Variants in SYT12 observed in about 807,000 individuals in gnomAD.
SYT12 encodes synaptotagmin-12.
A neutral mutation model predicts 39.5 loss-of-function variants in SYT12; 27 were observed. The ratio of observed to expected loss-of-function variants is 0.68; its 90% CI spans 0.50 to 0.94. The LOEUF is 0.94. Among genes scored for constraint, SYT12 ranks in the 40% least tolerant of loss-of-function variants. The probability of loss-of-function intolerance (pLI) is 0.00; values close to 1 mark genes in which losing one functional copy is unlikely to be tolerated. For synonymous variants in SYT12, 233 were observed against 239.7 expected, an observed-to-expected ratio of 0.97 and a Z score of 0.26; for missense variants, 536 against 572.6, an observed-to-expected ratio of 0.94 and a Z score of 0.65.
chr11:67,028,748 G>C (rs1368114551), intron 1 of SYT12: 1 of 152,144 alleles, frequency 6.6e-6, no homozygotes, highest in Non-Finnish European at 1.5e-5. Context: ...TTGCAAATTG[G>C]TTGCTACCTT....
intron 2 of SYT12, among the ~76,000 whole-genome samples, chr11:67,033,235 C>T (rs954138508): frequency 3.9e-5 from 6 of 152,084 alleles, no homozygotes; most frequent in Non-Finnish European, 5.9e-5. Context: ...TTGCCGTGGC[C>T]TGGCACACTT....
chr11:67,037,305 A>G (rs1950400651), intron 3 of SYT12, among the ~76,000 whole-genome samples: 1 of 152,192 alleles, frequency 6.6e-6, no homozygotes, highest in African/African-American at 2.4e-5. Context: ...GCTATTCAGT[A>G]CTGCAGTATT....
chr11:67,038,242 C>T (rs1472913407), intron 3 of SYT12, among the ~76,000 whole-genome samples: 2 of 152,042 alleles, frequency 1.3e-5, no homozygotes, highest in Non-Finnish European at 2.9e-5. Flanking sequence ...TCTCAGCTCA[C>T]TGCAACCTCC....
chr11:67,024,702 TG>T (rs1565330420), intron 1 of SYT12, among the ~76,000 whole-genome samples: 1 of 152,236 alleles, frequency 6.6e-6, no homozygotes, highest in Admixed American at 6.5e-5. Flanking sequence ...GTGGGCTGTT[TG>T]GGGGATGGCA....
intron 1 of SYT12, 29 bp from the exon 2 acceptor site, chr11:67,030,093 C>A: frequency 6.2e-7 from 1 of 1,602,562 alleles, no homozygotes; most frequent in Non-Finnish European, 8.5e-7. Flanking sequence ...CTCTGCAGCC[C>A]TCTCCTCTCA....
intron 1 of SYT12, chr11:67,028,775 G>A (rs554269318): frequency 2.0e-5 from 3 of 152,258 alleles, no homozygotes; most frequent in East Asian, 1.9e-4. Flanking sequence ...TCAGGAAATG[G>A]CACATAAAAA....
rs1950486082 is a variant in SYT12 at position 67,040,318 on chromosome 11, G to A, written c.621+115G>A. The A allele has an allele frequency of 2.2e-6, 3 of 1,379,902 alleles. No homozygotes were observed. In the South Asian group the frequency reaches 4.3e-5, roughly 20 times the overall value. The allele number at this position is 1,379,902 out of a possible 1,614,324, so 85.5% of individuals were successfully genotyped here. A position where few individuals can be genotyped will look rare whatever the true frequency, so the allele number is the denominator to read the frequency against. ...CAGAAAGGCAGTAGAGTGCAAGTAT[G>A]GATGCTGATCCCAGAGCTGAAGCTT... On this transcript the variant is annotated intron_variant, in intron 4 of 7. Transcript: ENST00000527043.
At chr11:67,021,983 A>G (rs1456192090), upstream of SYT12, 1 of 143,076 alleles carries the variant, frequency 7.0e-6, no homozygotes, top group African/African-American at 2.6e-5. Context: ...AGTCGCCGCG[A>G]TCTCACTGCA....
At position 67,045,864 on chromosome 11, in the gene SYT12, C is replaced by T; in HGVS notation, c.1079C>T (p.Ala360Val). 1.2e-6 allele frequency: 2 copies of T among 1,613,540 alleles called. No individual in the cohort carries two copies. Among genetic ancestry groups the T allele is most frequent in the Non-Finnish European group, 1.7e-6 (2 of 1,179,762 alleles). ...GAAGCCATGATCTTCTCGGTGCCAG[C>T]CATTGTGCTCCAGGTGAGGGGGGCT... ...FNEAMIFSVP[A>V]IVLQDLSLRV... The change falls in exon 7 of 8, where the codon GCC (alanine) becomes GTC (valine). Residue 360 changes from alanine to valine, a missense_variant. Coordinates refer to ENST00000527043, the MANE Select transcript of SYT12 (RefSeq NM_177963.4).
At chr11:67,022,317 G>T (rs1026734111), upstream of SYT12, among the ~76,000 whole-genome samples, 4 of 152,120 alleles carry the variant, frequency 2.6e-5, no homozygotes, top group Non-Finnish European at 5.9e-5. Context: ...CCCCATCTGG[G>T]ATCCTCGCCC....
At chr11:67,043,462 G>A (rs1950552620) in intron 4 of SYT12, among the ~76,000 whole-genome samples, 176 bp from the exon 5 acceptor site, 1 of 152,154 alleles carries the variant, frequency 6.6e-6, no homozygotes, top group Non-Finnish European at 1.5e-5. Context: ...ACTGAGGAGA[G>A]GACAGGAGGC....
intron 5 of SYT12, 101 bp from the exon 6 acceptor site, chr11:67,044,492 T>G (rs1950572617): frequency 2.0e-6 from 3 of 1,504,892 alleles, no homozygotes; most frequent in Admixed American, 4.2e-5. Flanking sequence ...CACTTCTCTA[T>G]GGAGAAGGAA....
intron 4 of SYT12, among the ~76,000 whole-genome samples, chr11:67,041,476 T>C (rs1591373915): frequency 6.6e-6 from 1 of 152,032 alleles, no homozygotes; most frequent in East Asian, 1.9e-4. Context: ...GTCTCAAAAA[T>C]AATAAATAAA....
intron 3 of SYT12, among the ~76,000 whole-genome samples, chr11:67,018,028 G>A (rs1379874572): frequency 6.7e-6 from 1 of 148,544 alleles, no homozygotes; most frequent in African/African-American, 2.5e-5. Context: ...TTGGGAGGCC[G>A]AGGCAGGTGG....
intron 3 of SYT12, among the ~76,000 whole-genome samples, chr11:67,035,505 T>C (rs527738884): frequency 9.0e-4 from 134 of 148,386 alleles, no homozygotes; most frequent in Admixed American, 3.1e-3. Context: ...TTGCCCAGGC[T>C]GGAGTGCAGT....
chr11:67,013,106 T>A (rs990374877), intron 3 of SYT12, among the ~76,000 whole-genome samples: 3 of 152,080 alleles, frequency 2.0e-5, no homozygotes, highest in African/African-American at 7.2e-5. Flanking sequence ...ATCAATTCAG[T>A]GTAATTGACA....
chr11:67,048,587 C>A lies in SYT12; in HGVS notation c.1096C>A (p.Leu366Met). The A allele has an allele frequency of 1.9e-6, 3 of 1,596,798 alleles. No individual in the cohort carries two copies. The highest frequency in any genetic ancestry group is 1.7e-4 in the Middle Eastern group (1 of 6,006). ...ACCCATGTTGCCTCTTCCTCAGGAC[C>A]TGTCTCTCCGCGTGACGGTGGCTGA... ...FSVPAIVLQD[L>M]SLRVTVAESS... Residue 366 changes from leucine to methionine, a missense_variant, in exon 8 of 8, where the codon CTG becomes ATG. Leu to Met is a conservative substitution (Grantham distance 15). Transcript: ENST00000527043.
intron 3 of SYT12, among the ~76,000 whole-genome samples, chr11:67,013,358 A>G (rs369668972): frequency 3.9e-5 from 6 of 152,292 alleles, no homozygotes; most frequent in African/African-American, 1.4e-4. Flanking sequence ...CAGCTTCCTC[A>G]GGGTGCTGGT....
intron 3 of SYT12, among the ~76,000 whole-genome samples, chr11:67,036,713 A>G (rs1022504034): frequency 2.0e-5 from 3 of 152,156 alleles, no homozygotes; most frequent in Non-Finnish European, 4.4e-5. Context: ...AGGCGGGCAG[A>G]TCTCTTGAGG....
Sources: gnomAD v4.1 joint callset for allele counts (sites outside exome capture counted in the v4.1 genomes callset) on GRCh38, gnomAD v4.1.1 for gene constraint, MANE v1.5 for transcripts, NCBI Gene and HGNC (gene_info 2026-07-23, HGNC 2026-07-21) for gene names.